The following CORO2B variants were observed in gnomAD, a reference collection of about 807,000 sequenced individuals.
CORO2B encodes the protein coronin 2B, also known as coronin-2B.
Under a neutral mutation model 58.8 loss-of-function variants are expected in CORO2B, and 26 were observed. The observed-to-expected ratio is 0.44, with a 90% CI of 0.32 to 0.61. The LOEUF is 0.61. Among genes scored for constraint, CORO2B ranks in the 20% least tolerant of loss-of-function variants. CORO2B has a pLI of 0.04. For missense variants in CORO2B, 460 were observed against 645.1 expected (o/e 0.71, Z 3.11); for synonymous variants, 242 against 253.8 (o/e 0.95, Z 0.44).
rs149564963 is a variant in CORO2B at position 68,711,826 on chromosome 15, C to T, written c.648+120C>T. 1,879 of 1,145,834 alleles carry T rather than the reference C, an allele frequency of 1.6e-3. 6 individuals carry two copies. Among genetic ancestry groups the T allele is most frequent in the Non-Finnish European group, 2.2e-3 (1,723 of 800,156 alleles). The allele number at this position is 1,145,834 out of a possible 1,614,324, so 71.0% of individuals were successfully genotyped here. A position where few individuals can be genotyped will look rare whatever the true frequency, so the allele number is the denominator to read the frequency against. On this transcript the variant is annotated intron_variant, in intron 5 of 11. Transcript: ENST00000261861. ...CCTTCTCCAGTGCATCTCACTGCAC[C>T]TCTGTTGAACAACCTTTCTCTCTCC...
intron 1 of CORO2B, among the ~76,000 whole-genome samples, chr15:68,617,013 C>G (rs769984709): frequency 6.6e-6 from 1 of 152,198 alleles, no homozygotes; most frequent in Non-Finnish European, 1.5e-5. Flanking sequence ...TTCCCAAGAA[C>G]CAGGTATATG....
intron 3 of CORO2B, among the ~76,000 whole-genome samples, chr15:68,702,821 CTTTTTTTTTT>C (rs113249272): frequency 2.1e-5 from 2 of 96,258 alleles, no homozygotes; most frequent in South Asian, 3.4e-4. Context: ...TTTTCTTTTT[CTTTTTTTTTT>C]TTTTTTTTTT....
At chr15:68,658,173 T>G (rs1311832221) in intron 2 of CORO2B, among the ~76,000 whole-genome samples, 2 of 152,238 alleles carry the variant, frequency 1.3e-5, no homozygotes, top group East Asian at 3.8e-4. Context: ...TCGCCAGCTC[T>G]GACATTCTGA....
chr15:68,532,220 T>C, the CORO2B span, among the ~76,000 whole-genome samples: 1 of 152,142 alleles, frequency 6.6e-6, no homozygotes, highest in Non-Finnish European at 1.5e-5. Context: ...TTGGAAAATT[T>C]TCTCCAATAT....
intron 2 of CORO2B, among the ~76,000 whole-genome samples, chr15:68,648,959 G>A (rs1356004732): frequency 6.6e-6 from 1 of 152,092 alleles, no homozygotes; most frequent in Non-Finnish European, 1.5e-5. Context: ...TACGTGTGCA[G>A]CATTTTTTAG....
At chr15:68,613,582 A>G (rs931361828) in intron 1 of CORO2B, among the ~76,000 whole-genome samples, 1 of 152,232 alleles carries the variant, frequency 6.6e-6, no homozygotes, top group African/African-American at 2.4e-5. Context: ...GTTAAGAACC[A>G]ATGACGCACA....
intron 1 of CORO2B, among the ~76,000 whole-genome samples, chr15:68,595,707 C>G (rs984470396): frequency 6.6e-6 from 1 of 152,236 alleles, no homozygotes; most frequent in Admixed American, 6.5e-5. Flanking sequence ...AGCACCTGCT[C>G]CATGCCAGGC....
intron 1 of CORO2B, among the ~76,000 whole-genome samples, chr15:68,630,264 G>A (rs1036613428): frequency 3.9e-5 from 6 of 152,196 alleles, no homozygotes; most frequent in Non-Finnish European, 8.8e-5. Flanking sequence ...GCAACGGGCA[G>A]CATGAACTTG....
Position 68,705,031 on chromosome 15 carries a change from C to T in CORO2B, c.334-5701C>T, listed in dbSNP as rs528074808. Among the ~76,000 whole-genome samples the T allele has an allele frequency of 1.4e-3, 219 of 152,294 alleles. 3 individuals are homozygous for T. Among genetic ancestry groups the T allele is most frequent in the African/African-American group, 4.8e-3 (199 of 41,568 alleles). On this transcript the variant is annotated intron_variant, in intron 3 of 11. Transcript: ENST00000261861. ...GGAATTCCTTTCCCAGCTACTCAGGCCCACTGTGAACTCCAGCTCCTCCTC... is the reference window on the plus strand; with the variant it reads ...GGAATTCCTTTCCCAGCTACTCAGGTCCACTGTGAACTCCAGCTCCTCCTC...
At chr15:68,607,211 C>T (rs977177570) in intron 1 of CORO2B, among the ~76,000 whole-genome samples, 8 of 152,174 alleles carry the variant, frequency 5.3e-5, no homozygotes, top group African/African-American at 1.7e-4. Context: ...ATCTGAGAAT[C>T]ATCTGGAAGT....
At chr15:68,661,044 G>A (rs944053235) in intron 2 of CORO2B, among the ~76,000 whole-genome samples, 1 of 150,104 alleles carries the variant, frequency 6.7e-6, no homozygotes, top group Non-Finnish European at 1.5e-5. Flanking sequence ...CTGGAGTGAT[G>A]TCAGCTCACT....
At chr15:68,703,044 C>G (rs1892693529) in intron 3 of CORO2B, among the ~76,000 whole-genome samples, 1 of 149,936 alleles carries the variant, frequency 6.7e-6, no homozygotes, top group Non-Finnish European at 1.5e-5. Context: ...CCAGGCTGGT[C>G]TCGAACTCCT....
rs879834089 is a variant in CORO2B, at chr15:68,685,102, A to AT, written c.217-10038_217-10037insT. On this transcript the variant is annotated intron_variant, in intron 2 of 11. Transcript: ENST00000261861. ...CCATCTGCTGGGTTCAGCATGATCCACTGCCCTCGGTACTCCTTTACATGC... is the reference window on the plus strand; with the variant it reads ...CCATCTGCTGGGTTCAGCATGATCCATCTGCCCTCGGTACTCCTTTACATGC... Among the ~76,000 whole-genome samples, 306 of 152,318 alleles carry AT rather than the reference A, an allele frequency of 2.0e-3. 1 individual carries two copies. The highest frequency in any genetic ancestry group is 3.6e-3 in the Non-Finnish European group (244 of 68,020).
Position 68,700,092 on chromosome 15 carries a change from C to G in CORO2B, c.333+4836C>G, listed in dbSNP as rs569462930. On this transcript the variant is annotated intron_variant, in intron 3 of 11. Coordinates refer to ENST00000261861, the MANE Select transcript of CORO2B (RefSeq NM_006091.5). ...GCTGCCAGGGCCCTTCCCACGGCCT[C>G]CCTGCCTCCTTCAAAGCACCTGAGG... is the stretch of plus-strand genomic sequence containing the variant. Among the ~76,000 whole-genome samples, 49 of 152,270 alleles carry G rather than the reference C, an allele frequency of 3.2e-4. 1 individual carries two copies. The South Asian group carries it at 1.0e-2, about 31-fold the overall frequency.
intron 8 of CORO2B, among the ~76,000 whole-genome samples, chr15:68,716,004 A>G (rs1257430138): frequency 6.6e-6 from 1 of 152,120 alleles, no homozygotes; most frequent in Non-Finnish European, 1.5e-5. Flanking sequence ...TTGGAGCTTG[A>G]GTCTAGCTTG....
At position 68,694,542 on chromosome 15, in the gene CORO2B, A is replaced by G. The variant is rs551861556; in HGVS notation, c.217-598A>G. On this transcript the variant is annotated intron_variant, in intron 2 of 11. Coordinates refer to ENST00000261861, the MANE Select transcript of CORO2B (RefSeq NM_006091.5). ...TACCGGTGTTCAAGATGTACACTGC[A>G]GAAGGACGCTCATTCATATCGTAGA... 2.6e-5 allele frequency among the ~76,000 whole-genome samples: 4 copies of G among 152,330 alleles called. No individual in the cohort carries two copies. In the Middle Eastern group the frequency reaches 0.014, roughly 518 times the overall value.
intron 1 of CORO2B, chr15:68,631,871 A>T (rs764046863): frequency 1.2e-6 from 1 of 862,592 alleles, no homozygotes; most frequent in Non-Finnish European, 1.4e-6. Flanking sequence ...TGCCAGGAGG[A>T]GGTGCTCCTC....
intron 2 of CORO2B, among the ~76,000 whole-genome samples, chr15:68,671,165 C>T (rs1033764761): frequency 3.9e-5 from 6 of 152,220 alleles, no homozygotes; most frequent in African/African-American, 1.2e-4. Flanking sequence ...AAAGGAACCA[C>T]AACCACTCTC....
At chr15:68,608,425 G>A (rs2140243946) in intron 1 of CORO2B, among the ~76,000 whole-genome samples, 1 of 152,306 alleles carries the variant, frequency 6.6e-6, no homozygotes, top group Middle Eastern at 3.4e-3. Context: ...CCCTGGCCAG[G>A]CCAGGCAGCC....
Sources: gnomAD v4.1 joint callset for allele counts (sites outside exome capture counted in the v4.1 genomes callset) on GRCh38, gnomAD v4.1.1 for gene constraint, MANE v1.5 for transcripts, NCBI Gene and HGNC (gene_info 2026-07-23, HGNC 2026-07-21) for gene names.